Variants in MIR2052HG observed in about 807,000 individuals in gnomAD.
The protein encoded by MIR2052HG is MIR2052 host gene.
At chr8:74,693,614 G>T (rs1007223427) in intron 2 of MIR2052HG, among the ~76,000 whole-genome samples, 6 of 150,734 alleles carry the variant, frequency 4.0e-5, no homozygotes, top group Non-Finnish European at 5.9e-5. Flanking sequence ...CGGGGGCGGG[G>T]GGGGAGGGGT....
intron 2 of MIR2052HG, among the ~76,000 whole-genome samples, chr8:74,632,142 T>G (rs1808519516): frequency 6.6e-6 from 1 of 152,190 alleles, no homozygotes. Flanking sequence ...GAGGCCATTT[T>G]TCCACTCATT....
Position 74,630,843 on chromosome 8 carries a change from G to A in MIR2052HG, n.216+17903G>A, listed in dbSNP as rs79244026. Among the ~76,000 whole-genome samples the A allele has an allele frequency of 6.5e-3, 995 of 152,300 alleles. 13 individuals are homozygous for A. Among genetic ancestry groups the A allele is most frequent in the African/African-American group, 0.023 (943 of 41,556 alleles). On this transcript the variant is annotated intron_variant and non_coding_transcript_variant, in intron 2 of 6. Transcript: ENST00000523442. Reference sequence around the variant, plus strand: ...TCAGCTACTATGCAAGTTGTTTCCTGTAGCCTACTTCATTTGATCCTCAGA... The same window carrying A: ...TCAGCTACTATGCAAGTTGTTTCCTATAGCCTACTTCATTTGATCCTCAGA...
chr8:74,708,585 T>G (rs184217645), intron 4 of MIR2052HG, among the ~76,000 whole-genome samples: 1 of 152,076 alleles, frequency 6.6e-6, no homozygotes, highest in East Asian at 1.9e-4. Flanking sequence ...TTGTTACTCT[T>G]CTCACTCGTT....
chr8:74,715,232 G>A (rs979608869), intron 4 of MIR2052HG, among the ~76,000 whole-genome samples: 5 of 152,128 alleles, frequency 3.3e-5, no homozygotes, highest in African/African-American at 1.2e-4. Context: ...AAGGCCTGCA[G>A]CTACTTAAAA....
chr8:74,695,019 A>G (rs112733190), intron 2 of MIR2052HG, among the ~76,000 whole-genome samples: 29 of 152,338 alleles, frequency 1.9e-4, no homozygotes, highest in African/African-American at 6.7e-4. Flanking sequence ...CTATGCACGT[A>G]GTCATCAGGT....
chr8:74,695,066 G>C (rs75995637), intron 2 of MIR2052HG, among the ~76,000 whole-genome samples: 1 of 151,970 alleles, frequency 6.6e-6, no homozygotes, highest in African/African-American at 2.4e-5. Context: ...ATCTGCATCA[G>C]GTAACATATA....
intron 4 of MIR2052HG, among the ~76,000 whole-genome samples, chr8:74,734,256 G>A (rs1276397198): frequency 1.3e-5 from 2 of 152,144 alleles, no homozygotes; most frequent in Admixed American, 6.6e-5. Context: ...AGCAACAAAA[G>A]CAACTTCTAG....
chr8:74,600,550 A>C (rs1807981895), intron 1 of MIR2052HG, among the ~76,000 whole-genome samples: 1 of 150,700 alleles, frequency 6.6e-6, no homozygotes, highest in Non-Finnish European at 1.5e-5. Context: ...CCTGGGCAAC[A>C]AGAGCAAAAC....
chr8:74,658,829 T>C (rs1808833546), intron 2 of MIR2052HG, among the ~76,000 whole-genome samples: 1 of 152,214 alleles, frequency 6.6e-6, no homozygotes, highest in African/African-American at 2.4e-5. Context: ...AAGCATCTTA[T>C]TTTATTGGCA....
rs149540643 is a variant in MIR2052HG, at chr8:74,649,289, C to T, written n.216+36349C>T. 2.5e-3 allele frequency among the ~76,000 whole-genome samples: 388 copies of T among 152,210 alleles called. 1 individual carries two copies. The highest frequency in any genetic ancestry group is 8.2e-3 in the African/African-American group (340 of 41,544). On this transcript the variant is annotated intron_variant and non_coding_transcript_variant, in intron 2 of 6. Coordinates refer to ENST00000523442, the Ensembl canonical transcript of MIR2052HG. ...GGTCTGAAATATTTTATGAAAATGA[C>T]GCCTTGGATACATTTTTTTCTTGTC... is the stretch of plus-strand genomic sequence containing the variant.
At chr8:74,609,735 TA>T (rs1408505787) in intron 1 of MIR2052HG, 4 of 148,702 alleles carry the variant, frequency 2.7e-5, no homozygotes, top group Non-Finnish European at 4.5e-5. Flanking sequence ...TAATAATAAA[TA>T]AATAATAATA....
At chr8:74,621,569 GA>G (rs1307178979) in intron 2 of MIR2052HG, among the ~76,000 whole-genome samples, 1 of 152,162 alleles carries the variant, frequency 6.6e-6, no homozygotes, top group Non-Finnish European at 1.5e-5. Context: ...GCAAGCAGGG[GA>G]AATGCCAGAT....
intron 2 of MIR2052HG, among the ~76,000 whole-genome samples, chr8:74,697,301 T>G (rs553657078): frequency 6.6e-6 from 1 of 152,108 alleles, no homozygotes; most frequent in East Asian, 1.9e-4. Flanking sequence ...AAACCCTCAG[T>G]AAAACTGGCC....
chr8:74,755,829 G>T (rs1266496465), intron 5 of MIR2052HG, among the ~76,000 whole-genome samples: 1 of 152,146 alleles, frequency 6.6e-6, no homozygotes, highest in African/African-American at 2.4e-5. Context: ...GGTGTCATGA[G>T]GTAATTGGCA....
chr8:74,744,518 TC>T (rs1809863307), intron 4 of MIR2052HG, among the ~76,000 whole-genome samples: 1 of 151,806 alleles, frequency 6.6e-6, no homozygotes, highest in Non-Finnish European at 1.5e-5. Flanking sequence ...ATGTTCCCCT[TC>T]CTGTGTCCAT....
chr8:74,710,018 C>T (rs1809451486), intron 4 of MIR2052HG, among the ~76,000 whole-genome samples: 2 of 152,134 alleles, frequency 1.3e-5, no homozygotes, highest in Admixed American at 6.6e-5. Flanking sequence ...GAATAGTTTG[C>T]AGCCACCCCA....
chr8:74,660,838 T>C (rs1018094556), intron 2 of MIR2052HG, among the ~76,000 whole-genome samples: 2 of 149,298 alleles, frequency 1.3e-5, no homozygotes, highest in South Asian at 2.1e-4. Flanking sequence ...CTTGCTTTCA[T>C]ACACGCTGAT....
At chr8:74,727,181 A>G (rs1391932896) in intron 4 of MIR2052HG, among the ~76,000 whole-genome samples, 1 of 152,216 alleles carries the variant, frequency 6.6e-6, no homozygotes, top group African/African-American at 2.4e-5. Flanking sequence ...TTAAGTTAAA[A>G]TCTGCTCTAC....
At chr8:74,621,095 C>T (rs116131408) in intron 2 of MIR2052HG, among the ~76,000 whole-genome samples, 2,368 of 152,300 alleles carry the variant, frequency 0.016, 59 homozygotes, top group African/African-American at 0.054. Context: ...TTCCTCATCT[C>T]CATCTGTGAT....
Sources: gnomAD v4.1 joint callset for allele counts (sites outside exome capture counted in the v4.1 genomes callset) on GRCh38, gnomAD v4.1.1 for gene constraint, MANE v1.5 for transcripts, NCBI Gene and HGNC (gene_info 2026-07-23, HGNC 2026-07-21) for gene names.